The following ARHGAP15 variants were observed in gnomAD, a reference collection of about 807,000 sequenced individuals.
ARHGAP15 encodes the protein rho GTPase-activating protein 15.
Under a neutral mutation model 63.7 loss-of-function variants are expected in ARHGAP15, and 51 were observed. The ratio of observed to expected loss-of-function variants is 0.80; its 90% CI spans 0.64 to 1.01. ARHGAP15 has a LOEUF of 1.01. Ranked by LOEUF, ARHGAP15 falls within the 50% of genes least tolerant of loss-of-function variation. The pLI is 0.00. For synonymous variants in ARHGAP15, 191 were observed against 193.8 expected (o/e 0.99, Z 0.12); for missense variants, 560 against 564.6 (o/e 0.99, Z 0.08).
intron 10 of ARHGAP15, among the ~76,000 whole-genome samples, chr2:143,545,525 C>T (rs888868879): frequency 6.6e-6 from 1 of 151,436 alleles, no homozygotes; most frequent in Admixed American, 6.6e-5. Flanking sequence ...TAAGTTGCTA[C>T]TCTTGTTAAA....
chr2:143,356,469 T>C (rs144956474), intron 6 of ARHGAP15, among the ~76,000 whole-genome samples: 73 of 152,236 alleles, frequency 4.8e-4, no homozygotes, highest in African/African-American at 1.6e-3. Context: ...TTGCACAATT[T>C]GTATTAAAAA....
intron 6 of ARHGAP15, among the ~76,000 whole-genome samples, chr2:143,332,727 A>T (rs1364382998): frequency 6.6e-6 from 1 of 152,160 alleles, no homozygotes; most frequent in East Asian, 1.9e-4. Context: ...AAGAGCTCTG[A>T]GTGGGATGCA....
At chr2:143,490,051 G>A (rs959023012) in intron 9 of ARHGAP15, among the ~76,000 whole-genome samples, 24 of 152,278 alleles carry the variant, frequency 1.6e-4, no homozygotes, top group African/African-American at 5.5e-4. Flanking sequence ...CCAGGCTGGA[G>A]TGCAGTGGCG....
chr2:143,662,499 G>A (rs1161944915), intron 12 of ARHGAP15, among the ~76,000 whole-genome samples: 15 of 143,822 alleles, frequency 1.0e-4, no homozygotes, highest in Non-Finnish European at 1.9e-4. Flanking sequence ...ACTCTAAAAC[G>A]CAGAGTGCCT....
intron 6 of ARHGAP15, among the ~76,000 whole-genome samples, chr2:143,359,719 A>G (rs1685958094): frequency 6.6e-6 from 1 of 152,222 alleles, no homozygotes; most frequent in East Asian, 1.9e-4. Flanking sequence ...CATTTGGGAA[A>G]TATTATGCTT....
In ARHGAP15 at chr2:143,580,343, G is replaced by A. The variant is rs566421642; in HGVS notation, c.1003+23858G>A. The stretch of plus-strand genomic sequence containing the variant: ...CCAAAGCCAGATAAATTTCTCCAGA[G>A]GTCAACATATTCTCCAGAAGCTGAC... On this transcript the variant is annotated intron_variant, in intron 11 of 13. Coordinates refer to ENST00000295095, the MANE Select transcript of ARHGAP15 (RefSeq NM_018460.4). Among the ~76,000 whole-genome samples, 14 of 152,138 alleles carry A rather than the reference G, an allele frequency of 9.2e-5. No homozygotes were observed. In the East Asian group the frequency reaches 2.7e-3, roughly 29 times the overall value.
chr2:143,546,253 C>T (rs926821420), intron 10 of ARHGAP15, among the ~76,000 whole-genome samples: 6 of 152,008 alleles, frequency 3.9e-5, no homozygotes, highest in African/African-American at 1.2e-4. Context: ...AAAAAAAATA[C>T]GGGTGGAGGG....
intron 8 of ARHGAP15, among the ~76,000 whole-genome samples, chr2:143,440,422 C>T (rs1302031375): frequency 6.6e-6 from 1 of 152,120 alleles, no homozygotes; most frequent in Non-Finnish European, 1.5e-5. Flanking sequence ...AGTCTAAGCA[C>T]AAACTTTATT....
intron 8 of ARHGAP15, among the ~76,000 whole-genome samples, chr2:143,439,279 C>A (rs986817778): frequency 6.6e-6 from 1 of 151,344 alleles, no homozygotes; most frequent in African/African-American, 2.4e-5. Context: ...AAAAATTAGC[C>A]GGGCATGGTG....
chr2:143,477,782 C>G (rs923094256), intron 8 of ARHGAP15, among the ~76,000 whole-genome samples: 2 of 152,162 alleles, frequency 1.3e-5, no homozygotes, highest in African/African-American at 4.8e-5. Context: ...ATCAATGGTT[C>G]TTATCTGCTT....
At chr2:143,755,865 C>G (rs1686557278) in intron 13 of ARHGAP15, among the ~76,000 whole-genome samples, 2 of 151,938 alleles carry the variant, frequency 1.3e-5, no homozygotes, top group African/African-American at 4.8e-5. Context: ...ACTTGGGAGG[C>G]TGAGGCAGGA....
intron 6 of ARHGAP15, among the ~76,000 whole-genome samples, chr2:143,320,418 C>G (rs111698851): frequency 0.14 from 13,906 of 96,168 alleles, 2,382 homozygotes; most frequent in African/African-American, 0.23. Context: ...ACCCCCCCCC[C>G]CCCCAGAGAT....
chr2:143,737,767 T>C (rs1404116269), intron 13 of ARHGAP15, among the ~76,000 whole-genome samples: 1 of 141,366 alleles, frequency 7.1e-6, no homozygotes, highest in African/African-American at 2.8e-5. Flanking sequence ...TATTTATTTA[T>C]TTTTTGAGAT....
At position 143,640,265 on chromosome 2, in the gene ARHGAP15, A is replaced by G. The variant is rs919899491; in HGVS notation, c.1138+15998A>G. Among the ~76,000 whole-genome samples, 3 of 152,222 alleles carry G rather than the reference A, an allele frequency of 2.0e-5. No individual in the cohort carries two copies. In the East Asian group the frequency reaches 5.8e-4, roughly 29 times the overall value. On this transcript the variant is annotated intron_variant, in intron 12 of 13. Coordinates refer to ENST00000295095, the MANE Select transcript of ARHGAP15 (RefSeq NM_018460.4). Reference sequence around the variant, plus strand: ...GAACAATCCATAGTAGTTAGGAGCAATGATCTCAAACTACTGAAATGGGGA... The same window carrying G: ...GAACAATCCATAGTAGTTAGGAGCAGTGATCTCAAACTACTGAAATGGGGA...
intron 4 of ARHGAP15, among the ~76,000 whole-genome samples, chr2:143,226,950 C>T (rs182576403): frequency 1.2e-4 from 18 of 152,212 alleles, no homozygotes; most frequent in African/African-American, 4.1e-4. Flanking sequence ...AAATAAATTA[C>T]GCAAAGATCT....
chr2:143,449,586 C>T (rs6713418), intron 8 of ARHGAP15, among the ~76,000 whole-genome samples: 22 of 151,998 alleles, frequency 1.4e-4, no homozygotes, highest in African/African-American at 5.1e-4. Flanking sequence ...AGTTTATTTG[C>T]TGCACCTGCC....
At chr2:143,656,800 A>T (rs1003017383) in intron 12 of ARHGAP15, among the ~76,000 whole-genome samples, 1 of 152,142 alleles carries the variant, frequency 6.6e-6, no homozygotes, top group Non-Finnish European at 1.5e-5. Context: ...TGGCCTCCTG[A>T]GTCAGAGAAA....
intron 12 of ARHGAP15, among the ~76,000 whole-genome samples, chr2:143,681,659 T>C (rs543822832): frequency 6.6e-6 from 1 of 152,308 alleles, no homozygotes; most frequent in African/African-American, 2.4e-5. Flanking sequence ...CTTCCTTTTA[T>C]CCAACCGTAT....
In ARHGAP15 at chr2:143,153,824, CT is replaced by C. The variant is rs1689946395; in HGVS notation, c.-14-1651del. Among the ~76,000 whole-genome samples the C allele has an allele frequency of 1.5e-3, 133 of 88,178 alleles. 3 individuals carry two copies. Among genetic ancestry groups the C allele is most frequent in the Middle Eastern group, 4.9e-3 (1 of 204 alleles). 57.8% of individuals were successfully genotyped at this position (88,178 alleles called of 152,430 possible). On this transcript the variant is annotated intron_variant, in intron 1 of 13. Transcript: ENST00000295095. ...TCTTCTTCTTCTTCTTCTTCTTCTTCTTCTTCTTCTTCTTCTTCTTCCTCCT... is the reference window on the plus strand; with the variant it reads ...TCTTCTTCTTCTTCTTCTTCTTCTTCTCTTCTTCTTCTTCTTCTTCCTCCT...
Sources: allele counts gnomAD v4.1 joint callset (sites outside exome capture counted in the v4.1 genomes callset), GRCh38; gene constraint gnomAD v4.1.1; transcripts MANE v1.5; gene names NCBI Gene and HGNC (gene_info 2026-07-23, HGNC 2026-07-21).